ROBO2: variants seen among roughly 807,000 people sequenced by gnomAD.
ROBO2 encodes the protein roundabout homolog 2.
ROBO2 carries 53 observed loss-of-function variants against 160.8 expected under a neutral mutation model. The observed-to-expected ratio is 0.33, with a 90% CI of 0.26 to 0.41. The LOEUF is 0.41. ROBO2 is among the 10% of genes least tolerant of loss of function. ROBO2 has a pLI of 1.00. For missense variants in ROBO2, 1,577 were observed against 1,722.4 expected, an observed-to-expected ratio of 0.92 and a Z score of 1.49; for synonymous variants, 664 against 611.7, an observed-to-expected ratio of 1.09 and a Z score of -1.26.
At chr3:77,108,500 T>C (rs1439011376) in intron 2 of ROBO2, among the ~76,000 whole-genome samples, 1 of 152,112 alleles carries the variant, frequency 6.6e-6, no homozygotes, top group Non-Finnish European at 1.5e-5. Context: ...CTTAAATCAA[T>C]GTTTAAACAT....
chr3:76,795,834 C>A (rs1467037957), intron 2 of ROBO2, among the ~76,000 whole-genome samples: 3 of 152,082 alleles, frequency 2.0e-5, no homozygotes, highest in African/African-American at 7.2e-5. Context: ...AGAAAAATCA[C>A]TATCTATGTC....
chr3:76,489,240 G>A (rs2079680963), intron 2 of ROBO2, among the ~76,000 whole-genome samples: 1 of 150,410 alleles, frequency 6.6e-6, no homozygotes, highest in Non-Finnish European at 1.5e-5. Context: ...TAATGGATGT[G>A]TTTTATAAGA....
At chr3:76,324,038 C>T (rs578221283) in intron 2 of ROBO2, among the ~76,000 whole-genome samples, 50 of 152,250 alleles carry the variant, frequency 3.3e-4, no homozygotes, top group Non-Finnish European at 3.2e-4. Context: ...GACATAACTT[C>T]AATACAATGA....
chr3:77,356,400 G>A (rs1382485524), intron 2 of ROBO2, among the ~76,000 whole-genome samples: 2 of 152,096 alleles, frequency 1.3e-5, no homozygotes, highest in South Asian at 2.1e-4. Flanking sequence ...GAGAGAGTAA[G>A]AGAGACTAAA....
rs115530794 is a variant in ROBO2 at position 77,004,599 on chromosome 3, A to G, written c.110-93415A>G. Among the ~76,000 whole-genome samples, 814 of 152,328 alleles carry G rather than the reference A, an allele frequency of 5.3e-3. 12 individuals carry two copies. Among genetic ancestry groups the G allele is most frequent in the African/African-American group, 0.018 (744 of 41,578 alleles). ...TAAATTTACTTGAAAGCTGCTTATC[A>G]TCAAAGTTCCCATTCATGCTTTTGG... On this transcript the variant is annotated intron_variant, in intron 2 of 26. Coordinates refer to the ROBO2 transcript ENST00000487694.
chr3:76,333,576 A>G (rs2073653093), intron 2 of ROBO2, among the ~76,000 whole-genome samples: 1 of 152,190 alleles, frequency 6.6e-6, no homozygotes, highest in Non-Finnish European at 1.5e-5. Context: ...TGATTGCTAT[A>G]AAGAGTTGTT....
chr3:76,430,154 A>G (rs1188577198), intron 2 of ROBO2, among the ~76,000 whole-genome samples: 4 of 152,212 alleles, frequency 2.6e-5, no homozygotes, highest in Non-Finnish European at 4.4e-5. Context: ...GGAGATAAAC[A>G]GTAATTCAAA....
intron 12 of ROBO2, among the ~76,000 whole-genome samples, chr3:77,565,352 C>T (rs2093448692): frequency 6.6e-6 from 1 of 151,958 alleles, no homozygotes; most frequent in Non-Finnish European, 1.5e-5. Context: ...GGTACCTCTA[C>T]GTCGAATGAA....
intron 2 of ROBO2, among the ~76,000 whole-genome samples, chr3:76,320,359 G>A (rs1238382545): frequency 6.6e-6 from 1 of 152,002 alleles, no homozygotes; most frequent in South Asian, 2.1e-4. Flanking sequence ...ATTCAGTATT[G>A]TCAATTTACA....
In ROBO2 at chr3:77,518,092, C is replaced by T. The variant is rs550614474; in HGVS notation, c.807-4683C>T. Among the ~76,000 whole-genome samples, 35 of 151,524 alleles carry T rather than the reference C, an allele frequency of 2.3e-4. 1 individual carries two copies. In the Middle Eastern group the frequency reaches 0.02, roughly 88 times the overall value. On this transcript the variant is annotated intron_variant, in intron 5 of 25. Transcript: ENST00000461745. ...AGAGAGTATACTTTTCTGTTTGGCA[C>T]AAGGAGTAGTACTATCAGTAGTAAC...
intron 2 of ROBO2, among the ~76,000 whole-genome samples, chr3:76,833,970 C>CTTT (rs2067305722): frequency 8.2e-6 from 1 of 122,296 alleles, no homozygotes; most frequent in Non-Finnish European, 1.8e-5. Flanking sequence ...TCCTTTCTTT[C>CTTT]TCTTTCTTTT....
At chr3:77,420,269 A>T (rs1013593791) in intron 2 of ROBO2, among the ~76,000 whole-genome samples, 129 of 148,684 alleles carry the variant, frequency 8.7e-4, no homozygotes, top group Admixed American at 3.8e-3. Context: ...TTTTTTTTTT[A>T]AATCAAATAA....
intron 9 of ROBO2, among the ~76,000 whole-genome samples, chr3:77,561,146 TA>T (rs1210586895): frequency 6.6e-6 from 1 of 152,154 alleles, no homozygotes; most frequent in African/African-American, 2.4e-5. Flanking sequence ...TAAAATCAAT[TA>T]AGATAGTGAA....
chr3:77,349,509 CACTT>C (rs1370239830), intron 2 of ROBO2, among the ~76,000 whole-genome samples: 3 of 152,110 alleles, frequency 2.0e-5, no homozygotes, highest in African/African-American at 4.8e-5. Flanking sequence ...TGTAATGAGT[CACTT>C]ACCTTAAAGA....
intron 2 of ROBO2, among the ~76,000 whole-genome samples, chr3:76,485,679 C>T (rs2079453911): frequency 6.6e-6 from 1 of 152,100 alleles, no homozygotes; most frequent in Admixed American, 6.6e-5. Flanking sequence ...TAAAATGTTT[C>T]TCACAGGTAA....
chr3:77,566,941 A>G (rs2093499954), intron 12 of ROBO2, among the ~76,000 whole-genome samples: 1 of 152,080 alleles, frequency 6.6e-6, no homozygotes, highest in African/African-American at 2.4e-5. Context: ...AGAATCTAGA[A>G]ATCTTTTATT....
At chr3:77,021,132 T>C (rs1194377668) in intron 2 of ROBO2, among the ~76,000 whole-genome samples, 1 of 151,644 alleles carries the variant, frequency 6.6e-6, no homozygotes, top group African/African-American at 2.4e-5. Flanking sequence ...GCCTGGGAGG[T>C]CGAGGTTGCA....
intron 2 of ROBO2, among the ~76,000 whole-genome samples, chr3:76,363,013 C>A (rs1226125466): frequency 1.3e-5 from 2 of 152,066 alleles, no homozygotes; most frequent in African/African-American, 4.8e-5. Flanking sequence ...TTACAGCCTG[C>A]CATCTGAATA....
chr3:76,340,236 A>G (rs1321096679), intron 2 of ROBO2, among the ~76,000 whole-genome samples: 2 of 152,158 alleles, frequency 1.3e-5, no homozygotes, highest in African/African-American at 4.8e-5. Flanking sequence ...ATTGCATATT[A>G]TTCTAACAAA....
Sources: allele counts gnomAD v4.1 joint callset (sites outside exome capture counted in the v4.1 genomes callset), GRCh38; gene constraint gnomAD v4.1.1; transcripts MANE v1.5; gene names NCBI Gene and HGNC (gene_info 2026-07-23, HGNC 2026-07-21).